The following PRKCB variants were observed in gnomAD, a reference collection of about 807,000 sequenced individuals.
The protein encoded by PRKCB is protein kinase C beta type.
Under a neutral mutation model 81.5 loss-of-function variants are expected in PRKCB, and 13 were observed. That is an observed-to-expected ratio of 0.16 (90% CI 0.10 to 0.25). The LOEUF is 0.25. Ranked by LOEUF, PRKCB falls within the 10% of genes least tolerant of loss-of-function variation. PRKCB has a pLI of 1.00. For synonymous variants in PRKCB, 335 were observed against 321.4 expected (o/e 1.04, Z -0.45); for missense variants, 509 against 875.7 (o/e 0.58, Z 5.29).
At chr16:23,840,361 T>A (rs114564880) in intron 2 of PRKCB, among the ~76,000 whole-genome samples, 1 of 152,140 alleles carries the variant, frequency 6.6e-6, no homozygotes, top group Non-Finnish European at 1.5e-5. Flanking sequence ...GACAATTATC[T>A]CATGGTCCAA....
chr16:24,073,021 A>G (rs1306544105), intron 5 of PRKCB, among the ~76,000 whole-genome samples: 1 of 152,224 alleles, frequency 6.6e-6, no homozygotes, highest in Non-Finnish European at 1.5e-5. Context: ...AAATATCTCT[A>G]TGCCAGCTGG....
At chr16:24,026,452 G>A (rs1204372398) in intron 3 of PRKCB, among the ~76,000 whole-genome samples, 1 of 152,142 alleles carries the variant, frequency 6.6e-6, no homozygotes, top group Non-Finnish European at 1.5e-5. Flanking sequence ...TCCTTGTCTT[G>A]GAGATCGCTC....
At chr16:24,028,987 C>G (rs578052454) in intron 3 of PRKCB, among the ~76,000 whole-genome samples, 14 of 147,986 alleles carry the variant, frequency 9.5e-5, no homozygotes, top group Admixed American at 2.0e-4. Flanking sequence ...GACAGGGTTC[C>G]TCCATGTTGG....
intron 2 of PRKCB, among the ~76,000 whole-genome samples, chr16:23,948,576 G>A (rs570399388): frequency 6.9e-6 from 1 of 145,576 alleles, no homozygotes; most frequent in Non-Finnish European, 1.5e-5. Flanking sequence ...GCTAATTTTT[G>A]TATTTTTAGT....
At chr16:23,966,513 T>C (rs1964489430) in intron 2 of PRKCB, among the ~76,000 whole-genome samples, 1 of 152,214 alleles carries the variant, frequency 6.6e-6, no homozygotes, top group Admixed American at 6.5e-5. Flanking sequence ...TTTACAACAG[T>C]GTACTGCATA....
chr16:24,187,563 C>A (rs1316926826), intron 15 of PRKCB, among the ~76,000 whole-genome samples: 1 of 152,188 alleles, frequency 6.6e-6, no homozygotes, highest in African/African-American at 2.4e-5. Context: ...GAGTTTGCAT[C>A]CCCTGGAATT....
At chr16:23,903,717 T>C (rs1462480312) in intron 2 of PRKCB, among the ~76,000 whole-genome samples, 1 of 152,168 alleles carries the variant, frequency 6.6e-6, no homozygotes, top group Non-Finnish European at 1.5e-5. Context: ...TTGCAGAAAG[T>C]GGTTCCCACT....
intron 5 of PRKCB, among the ~76,000 whole-genome samples, chr16:24,074,902 G>T (rs187299506): frequency 2.4e-4 from 36 of 152,234 alleles, no homozygotes; most frequent in African/African-American, 7.7e-4. Flanking sequence ...TGGAAGGATT[G>T]CTTGAGGCCA....
chr16:24,021,117 C>CTTTCTTTCTTTCTTTT (rs1965379155), intron 3 of PRKCB, among the ~76,000 whole-genome samples: 6 of 128,206 alleles, frequency 4.7e-5, no homozygotes, highest in Non-Finnish European at 4.9e-5. Context: ...CCTTCTCTCT[C>CTTTCTTTCTTTCTTTT]TTTCTTTCTT....
chr16:23,958,074 C>A (rs1000306465), intron 2 of PRKCB, among the ~76,000 whole-genome samples: 1 of 152,202 alleles, frequency 6.6e-6, no homozygotes, highest in African/African-American at 2.4e-5. Context: ...TCACTGCAAC[C>A]TCTGCTTCCC....
intron 5 of PRKCB, among the ~76,000 whole-genome samples, chr16:24,084,581 A>G (rs2141894934): frequency 6.6e-6 from 1 of 152,240 alleles, no homozygotes; most frequent in South Asian, 2.1e-4. Flanking sequence ...AAAGAATTAC[A>G]TTTTTTCCCT....
chr16:24,150,091 G>A (rs1967056376), intron 9 of PRKCB, among the ~76,000 whole-genome samples: 1 of 152,180 alleles, frequency 6.6e-6, no homozygotes, highest in Non-Finnish European at 1.5e-5. Context: ...AGCACTTTGG[G>A]AGACCTAGAT....
rs1473921613 is a variant in PRKCB, at chr16:24,219,406, C to T, written c.*4590C>T. 6.1e-6 allele frequency: 6 copies of T among 985,544 alleles called. No individual in the cohort carries two copies. The highest frequency in any genetic ancestry group is 4.7e-5 in the South Asian group (1 of 21,274). The allele number at this position is 985,544 out of a possible 1,614,324, so 61.0% of individuals were successfully genotyped here. A position where few individuals can be genotyped will look rare whatever the true frequency, so the allele number is the denominator to read the frequency against. Reference sequence around the variant, plus strand: ...CAATTCTAGACTGTGGGTGGATTTTCGAGCTGACGGTGGTCAATTCCTTTC... The same window carrying T: ...CAATTCTAGACTGTGGGTGGATTTTTGAGCTGACGGTGGTCAATTCCTTTC... On this transcript the variant is annotated 3_prime_UTR_variant, in exon 17 of 17. Coordinates refer to ENST00000643927, the MANE Select transcript of PRKCB (RefSeq NM_002738.7).
intron 3 of PRKCB, among the ~76,000 whole-genome samples, chr16:24,024,884 G>T (rs1965455337): frequency 6.6e-6 from 1 of 151,866 alleles, no homozygotes; most frequent in South Asian, 2.1e-4. Flanking sequence ...GGAGTCATGA[G>T]GACCACAGGT....
chr16:23,837,243 G>A, intron 1 of PRKCB, 132 bp from the exon 2 acceptor site: 1 of 1,128,914 alleles, frequency 8.9e-7, no homozygotes, highest in Non-Finnish European at 1.3e-6. Context: ...AAGACTCTTG[G>A]GCACCCGCCT....
Position 24,092,860 on chromosome 16 carries a change from T to A in PRKCB, c.599T>A (p.Leu200Gln). 1 of 1,614,166 alleles carries A rather than the reference T, an allele frequency of 6.2e-7. No homozygotes were observed. Among genetic ancestry groups the A allele is most frequent in the Non-Finnish European group, 8.5e-7 (1 of 1,180,024 alleles). The change falls in exon 6 of 17, where the codon CTG becomes CAG. Residue 200 changes from leucine (L) to glutamine (Q), a missense_variant. This residue lies in a region of PRKCB where 184 missense variants were observed against 362.9 expected (regional missense o/e 0.51). Coordinates refer to ENST00000643927, the MANE Select transcript of PRKCB (RefSeq NM_002738.7). ...GLSDPYVKLK[L>Q]IPDPKSESKQ... Reference sequence around the variant, plus strand: ...TCAGATCCCTACGTAAAACTGAAACTGATTCCCGATCCCAAAAGTGAGAGC... The same window carrying A: ...TCAGATCCCTACGTAAAACTGAAACAGATTCCCGATCCCAAAAGTGAGAGC...
rs59543980 is a variant in PRKCB, at chr16:24,215,986, TA to T, written c.*1185del. ...TTTTTCTTCTAGCATCGAGATACAA[TA>T]AAAAAAAAAAAAAAGAAAAGAAGAA... On this transcript the variant is annotated 3_prime_UTR_variant, in exon 17 of 17. Coordinates refer to ENST00000643927, the MANE Select transcript of PRKCB (RefSeq NM_002738.7). The T allele has an allele frequency of 0.28, 221,780 of 782,202 alleles. 2,249 individuals are homozygous for T. Among genetic ancestry groups the T allele is most frequent in the East Asian group, 0.35 (2,595 of 7,356 alleles). The allele number at this position is 782,202 out of a possible 1,614,324, so 48.5% of individuals were successfully genotyped here. A position where few individuals can be genotyped will look rare whatever the true frequency, so the allele number is the denominator to read the frequency against.
rs191705821 is a variant in PRKCB, at chr16:23,921,620, G to A, written c.206-66888G>A. On this transcript the variant is annotated intron_variant, in intron 2 of 16. Coordinates refer to ENST00000643927, the MANE Select transcript of PRKCB (RefSeq NM_002738.7). ...GTTCAAGATCAGCCTGACCAACATGGCAAAACCCTGTTTCTACTAAAAATA... is the reference window on the plus strand; with the variant it reads ...GTTCAAGATCAGCCTGACCAACATGACAAAACCCTGTTTCTACTAAAAATA... Among the ~76,000 whole-genome samples the A allele has an allele frequency of 2.8e-3, 423 of 152,120 alleles. 1 individual carries two copies. Among genetic ancestry groups the A allele is most frequent in the Non-Finnish European group, 4.6e-3 (314 of 67,982 alleles).
chr16:23,998,179 G>A (rs1359796148), intron 3 of PRKCB, among the ~76,000 whole-genome samples: 3 of 152,142 alleles, frequency 2.0e-5, no homozygotes, highest in Non-Finnish European at 4.4e-5. Flanking sequence ...GGTGCTCCAG[G>A]TTCTCAGTCC....
Sources: allele counts gnomAD v4.1 joint callset (sites outside exome capture counted in the v4.1 genomes callset), GRCh38; gene constraint gnomAD v4.1.1; regional missense constraint gnomAD v4.1.1; transcripts MANE v1.5; gene names NCBI Gene and HGNC (gene_info 2026-07-23, HGNC 2026-07-21).